The following FGF14 variants were observed in gnomAD, a reference collection of about 807,000 sequenced individuals.
FGF14 encodes the protein fibroblast growth factor homologous factor 4.
FGF14 carries 5 observed loss-of-function variants against 25.5 expected under a neutral mutation model. The ratio of observed to expected loss-of-function variants is 0.20; its 90% CI spans 0.10 to 0.41. The LOEUF is 0.41. Ranked by LOEUF, FGF14 falls within the 10% of genes least tolerant of loss-of-function variation. The pLI is 1.00. For missense variants in FGF14, 222 were observed against 320.1 expected (o/e 0.69, Z 2.34); for synonymous variants, 138 against 118.3 (o/e 1.17, Z -1.08).
chr13:101,890,488 A>C (rs2046212287), intron 1 of FGF14, among the ~76,000 whole-genome samples: 1 of 152,182 alleles, frequency 6.6e-6, no homozygotes, highest in Non-Finnish European at 1.5e-5. Context: ...AGGAAAATGA[A>C]ATCTATAGCT....
chr13:101,973,818 T>C (rs2139562131), intron 1 of FGF14, among the ~76,000 whole-genome samples: 1 of 152,308 alleles, frequency 6.6e-6, no homozygotes, highest in South Asian at 2.1e-4. Flanking sequence ...ACACCCAGGA[T>C]CAATACTTTG....
At chr13:101,957,059 A>C (rs1304302198) in intron 1 of FGF14, among the ~76,000 whole-genome samples, 1 of 152,186 alleles carries the variant, frequency 6.6e-6, no homozygotes, top group African/African-American at 2.4e-5. Context: ...CTGCTTCATG[A>C]ATGCAGATGC....
At chr13:101,943,827 AT>A (rs1448313415) in intron 1 of FGF14, among the ~76,000 whole-genome samples, 15 of 119,086 alleles carry the variant, frequency 1.3e-4, no homozygotes, top group African/African-American at 2.3e-4. Flanking sequence ...AAAAAAAAAA[AT>A]ATATATATAT....
upstream of FGF14, among the ~76,000 whole-genome samples, chr13:101,917,037 G>T (rs1025131887): frequency 2.0e-5 from 3 of 151,654 alleles, no homozygotes; most frequent in Admixed American, 2.0e-4. Flanking sequence ...GCTCCCGGGC[G>T]GGAGGTAGAG....
intron 1 of FGF14, among the ~76,000 whole-genome samples, chr13:102,270,128 T>G (rs1490518500): frequency 6.6e-6 from 1 of 152,052 alleles, no homozygotes; most frequent in African/African-American, 2.4e-5. Flanking sequence ...AATGATGTTA[T>G]AAAAGTATTA....
At chr13:102,158,239 T>C (rs1342788788) in intron 1 of FGF14, among the ~76,000 whole-genome samples, 1 of 152,190 alleles carries the variant, frequency 6.6e-6, no homozygotes, top group African/African-American at 2.4e-5. Flanking sequence ...ATTGCGGCAC[T>C]ATTCACAATA....
At chr13:102,358,586 G>A (rs112056164) in intron 1 of FGF14, among the ~76,000 whole-genome samples, 1,869 of 152,204 alleles carry the variant, frequency 0.012, 20 homozygotes, top group African/African-American at 0.029. Flanking sequence ...GTGTGTGTGC[G>A]TATGTTCTGA....
chr13:101,795,250 A>G (rs1566911084), intron 3 of FGF14, among the ~76,000 whole-genome samples: 1 of 152,060 alleles, frequency 6.6e-6, no homozygotes, highest in Admixed American at 6.6e-5. Flanking sequence ...GCCAGATTTA[A>G]CCAGCAGTTA....
intron 1 of FGF14, among the ~76,000 whole-genome samples, chr13:102,314,469 C>T (rs376625785): frequency 6.6e-6 from 1 of 151,970 alleles, no homozygotes; most frequent in African/African-American, 2.4e-5. Flanking sequence ...TTCAACAAAC[C>T]GAACATATTA....
chr13:102,188,946 G>GAGAAAGAAAGAA lies in FGF14; in HGVS notation c.208+212513_208+212524dup, dbSNP rs71125054. On this transcript the variant is annotated intron_variant, in intron 1 of 4. Transcript: ENST00000376131. ...ACAGAGTGAGAAAAAAAAGAAAGGAGAGAAAGAAAGAAAGAAAGAAAGAAA... is the reference window on the plus strand; with the variant it reads ...ACAGAGTGAGAAAAAAAAGAAAGGAGAGAAAGAAAGAAAGAAAGAAAGAAAGAAAGAAAGAAA... Among the ~76,000 whole-genome samples the GAGAAAGAAAGAA allele has an allele frequency of 7.2e-3, 653 of 90,888 alleles. 20 individuals carry two copies. Among genetic ancestry groups the GAGAAAGAAAGAA allele is most frequent in the Non-Finnish European group, 1.0e-2 (457 of 45,796 alleles). 59.6% of individuals were successfully genotyped at this position (90,888 alleles called of 152,430 possible).
intron 3 of FGF14, among the ~76,000 whole-genome samples, chr13:101,767,139 T>A (rs1283632844): frequency 6.6e-6 from 1 of 152,112 alleles, no homozygotes; most frequent in African/African-American, 2.4e-5. Context: ...ATATCACATA[T>A]CTTTTTGTTC....
chr13:101,850,393 G>A (rs2043706319), intron 3 of FGF14, among the ~76,000 whole-genome samples: 1 of 139,720 alleles, frequency 7.2e-6, no homozygotes, highest in African/African-American at 2.6e-5. Context: ...GGTGGAGGTT[G>A]CAGTGAGCTG....
At chr13:102,005,551 C>T (rs1298202979) in intron 1 of FGF14, among the ~76,000 whole-genome samples, 3 of 152,118 alleles carry the variant, frequency 2.0e-5, no homozygotes, top group Non-Finnish European at 4.4e-5. Flanking sequence ...GTTCAGTGCA[C>T]ATCAGCACAA....
chr13:102,152,458 T>C (rs866182763), intron 1 of FGF14, among the ~76,000 whole-genome samples: 1 of 152,228 alleles, frequency 6.6e-6, no homozygotes, highest in East Asian at 1.9e-4. Context: ...TCTGTGTGTG[T>C]CTGTGTCATG....
chr13:102,168,608 T>C (rs970896455), intron 1 of FGF14, among the ~76,000 whole-genome samples: 2 of 152,180 alleles, frequency 1.3e-5, no homozygotes, highest in African/African-American at 4.8e-5. Flanking sequence ...CTTTAAGAAA[T>C]AGCCTTGTAT....
At chr13:101,936,755 G>A (rs1036040099) in intron 1 of FGF14, among the ~76,000 whole-genome samples, 6 of 152,250 alleles carry the variant, frequency 3.9e-5, no homozygotes, top group Admixed American at 6.5e-5. Context: ...AGCCCATGGC[G>A]TATATTGTCA....
chr13:101,971,765 G>A lies in FGF14; in HGVS notation c.209-96469C>T, dbSNP rs181646846. ...ATAAACCACTTGGGCCACCTAGGAT[G>A]TGTCAGAGTTGGTATCTGACTCTAA... On this transcript the variant is annotated intron_variant, in intron 1 of 4. Transcript: ENST00000376131. 8.9e-4 allele frequency among the ~76,000 whole-genome samples: 135 copies of A among 152,344 alleles called. 1 individual carries two copies. The highest frequency in any genetic ancestry group is 3.2e-3 in the African/African-American group (134 of 41,584).
intron 1 of FGF14, among the ~76,000 whole-genome samples, chr13:101,879,351 TC>T (rs1361760162): frequency 1.3e-5 from 2 of 152,150 alleles, no homozygotes; most frequent in East Asian, 3.8e-4. Context: ...TGCATACATA[TC>T]AAGAAAAAAA....
intron 1 of FGF14, among the ~76,000 whole-genome samples, chr13:102,291,595 A>T (rs1279303987): frequency 6.6e-6 from 1 of 152,218 alleles, no homozygotes; most frequent in Admixed American, 6.5e-5. Flanking sequence ...CAGAAAAATC[A>T]GCATCCATCA....
Sources: gnomAD v4.1 joint callset for allele counts (sites outside exome capture counted in the v4.1 genomes callset) on GRCh38, gnomAD v4.1.1 for gene constraint, MANE v1.5 for transcripts, NCBI Gene and HGNC (gene_info 2026-07-23, HGNC 2026-07-21) for gene names.